ADCY8: variants seen among roughly 807,000 people sequenced by gnomAD.
ADCY8 encodes the protein adenylate cyclase type 8.
ADCY8 carries 51 observed loss-of-function variants against 119.7 expected under a neutral mutation model. The observed-to-expected ratio is 0.43, with a 90% confidence interval of 0.34 to 0.54. ADCY8 has a LOEUF of 0.54. Among genes scored for constraint, ADCY8 ranks in the 20% least tolerant of loss-of-function variants. The pLI, the probability that ADCY8 is intolerant of heterozygous loss-of-function variation, is 0.03. For synonymous variants in ADCY8, 665 were observed against 651.0 expected, an observed-to-expected ratio of 1.02 and a Z score of -0.33; for missense variants, 1,383 against 1,598.8, an observed-to-expected ratio of 0.87 and a Z score of 2.30.
intron 8 of ADCY8, among the ~76,000 whole-genome samples, chr8:130,873,254 A>AG (rs1330148626): frequency 6.6e-6 from 1 of 152,182 alleles, no homozygotes; most frequent in East Asian, 1.9e-4. Flanking sequence ...CATTTCTACA[A>AG]GATGTAGAAG....
chr8:131,021,263 C>T (rs968146205), intron 1 of ADCY8, among the ~76,000 whole-genome samples: 5 of 152,088 alleles, frequency 3.3e-5, no homozygotes, highest in Non-Finnish European at 7.4e-5. Context: ...GTATCATCAG[C>T]GTTCTTGGAT....
Position 130,980,571 on chromosome 8 carries a change from G to T in ADCY8, c.1110+9822C>A, listed in dbSNP as rs1316062270. On this transcript the variant is annotated intron_variant, in intron 2 of 17. Coordinates refer to ENST00000286355, the MANE Select transcript of ADCY8 (RefSeq NM_001115.3). The stretch of plus-strand genomic sequence containing the variant: ...ACTGCATGTCAGGGAAAATGGAGAG[G>T]ACGGGTAGTGTGAGCTTGAAGAGTT... Among the ~76,000 whole-genome samples the T allele has an allele frequency of 3.9e-5, 6 of 152,334 alleles. No homozygotes were observed. The East Asian group carries it at 9.7e-4, about 25-fold the overall frequency.
At position 130,907,733 on chromosome 8, in the gene ADCY8, C is replaced by T. The variant is rs1185397436; in HGVS notation, c.1640+1975G>A. Among the ~76,000 whole-genome samples, 3 of 152,160 alleles carry T rather than the reference C, an allele frequency of 2.0e-5. No individual in the cohort carries two copies. The East Asian group carries it at 5.8e-4, about 29-fold the overall frequency. On this transcript the variant is annotated intron_variant, in intron 6 of 17. Coordinates refer to ENST00000286355, the MANE Select transcript of ADCY8 (RefSeq NM_001115.3). Reference sequence around the variant, plus strand: ...GTTTCTTTTTACAAATTATTTTATTCGTTTCTTTCCTTTTTCAACTTTTAT... The same window carrying T: ...GTTTCTTTTTACAAATTATTTTATTTGTTTCTTTCCTTTTTCAACTTTTAT...
intron 8 of ADCY8, among the ~76,000 whole-genome samples, chr8:130,884,123 A>T (rs1346515484): frequency 6.6e-6 from 1 of 152,178 alleles, no homozygotes; most frequent in Admixed American, 6.5e-5. Context: ...GAGAATAGAT[A>T]TCTAAAATCT....
At chr8:130,993,934 A>C (rs1822683403) in intron 1 of ADCY8, among the ~76,000 whole-genome samples, 1 of 152,246 alleles carries the variant, frequency 6.6e-6, no homozygotes, top group African/African-American at 2.4e-5. Flanking sequence ...AGCCTCAGCA[A>C]ATTTTGAAAA....
rs144648552 is a variant in ADCY8 at position 130,876,640 on chromosome 8, G to C, written c.2109+7924C>G. On this transcript the variant is annotated intron_variant, in intron 8 of 17. Coordinates refer to ENST00000286355, the MANE Select transcript of ADCY8 (RefSeq NM_001115.3). ...ATTGTGTCTGTTGCCAGAAACAAGA[G>C]GTGGATTGTTTGTATATGTGTGTGC... is the stretch of plus-strand genomic sequence containing the variant. Among the ~76,000 whole-genome samples the C allele has an allele frequency of 1.9e-3, 284 of 152,188 alleles. 2 individuals are homozygous for C. The highest frequency in any genetic ancestry group is 6.2e-3 in the African/African-American group (256 of 41,520).
At chr8:130,885,340 A>T (rs143061344) in intron 7 of ADCY8, among the ~76,000 whole-genome samples, 121 of 152,150 alleles carry the variant, frequency 8.0e-4, no homozygotes, top group African/African-American at 2.8e-3. Context: ...CTCCCTCAGC[A>T]TAGGCCATTA....
intron 1 of ADCY8, among the ~76,000 whole-genome samples, chr8:131,000,590 C>T (rs958633391): frequency 6.6e-6 from 1 of 152,064 alleles, no homozygotes; most frequent in Non-Finnish European, 1.5e-5. Context: ...AACTGAAGCT[C>T]GAAGTTTAGT....
intron 14 of ADCY8, among the ~76,000 whole-genome samples, chr8:130,801,781 C>G (rs1324787760): frequency 6.6e-6 from 1 of 152,192 alleles, no homozygotes. Flanking sequence ...AGTTTATATC[C>G]TGCTGGACAC....
intron 6 of ADCY8, among the ~76,000 whole-genome samples, chr8:130,907,119 C>A (rs1819814318): frequency 6.6e-6 from 1 of 152,206 alleles, no homozygotes; most frequent in East Asian, 1.9e-4. Flanking sequence ...TGCATTATTT[C>A]ATTTAACACA....
chr8:130,884,731 T>C lies in ADCY8; in HGVS notation c.1942A>G (p.Asn648Asp). 4 of 1,613,900 alleles carry C rather than the reference T, an allele frequency of 2.5e-6. No individual in the cohort carries two copies. The highest frequency in any genetic ancestry group is 3.4e-6 in the Non-Finnish European group (4 of 1,179,818). The change falls in exon 8 of 18, where the codon AAT (asparagine) becomes GAT (aspartate). Residue 648 changes from asparagine (N) to aspartate (D), a missense_variant. Physicochemically the swap from Asn to Asp is conservative, Grantham distance 23 (BLOSUM62 1). Transcript: ENST00000286355. ...TLAALTRNSINLLPNHLAQAL... is the reference protein window; with the variant it reads ...TLAALTRNSIDLLPNHLAQAL... The stretch of plus-strand genomic sequence containing the variant: ...TGTGCAAGATGGTTTGGAAGCAGAT[T>C]TATTGAATTTCTTGTTAGGGCAGCC...
intron 1 of ADCY8, among the ~76,000 whole-genome samples, chr8:130,994,288 G>T (rs1296855269): frequency 6.6e-6 from 1 of 152,194 alleles, no homozygotes; most frequent in Non-Finnish European, 1.5e-5. Context: ...TTCTTAAAAT[G>T]AGTGATCCAT....
chr8:130,959,282 A>G (rs1015213309), intron 2 of ADCY8, among the ~76,000 whole-genome samples: 6 of 152,238 alleles, frequency 3.9e-5, no homozygotes, highest in African/African-American at 1.2e-4. Flanking sequence ...AGTAATTACA[A>G]TGTTGACTTT....
chr8:130,910,013 C>T (rs1319785412), intron 5 of ADCY8, 147 bp from the exon 6 acceptor site: 2 of 711,046 alleles, frequency 2.8e-6, no homozygotes, highest in African/African-American at 1.8e-5. Context: ...CAACCTCTGC[C>T]TCCCGGGTTC....
chr8:131,016,490 C>T (rs1439690907), intron 1 of ADCY8, among the ~76,000 whole-genome samples: 1 of 152,094 alleles, frequency 6.6e-6, no homozygotes, highest in African/African-American at 2.4e-5. Context: ...GGTGATCAAT[C>T]GAGACCCCAT....
chr8:130,871,362 G>T (rs1586510873), intron 8 of ADCY8, among the ~76,000 whole-genome samples: 1 of 152,268 alleles, frequency 6.6e-6, no homozygotes, highest in South Asian at 2.1e-4. Flanking sequence ...AGATTAAGTG[G>T]ATTTGAATCC....
chr8:130,809,707 C>A (rs1816101424), intron 14 of ADCY8, among the ~76,000 whole-genome samples: 1 of 152,218 alleles, frequency 6.6e-6, no homozygotes, highest in Non-Finnish European at 1.5e-5. Context: ...GATTTGAATA[C>A]ATGTCCTTCT....
At chr8:130,859,443 G>C (rs1168272360) in intron 9 of ADCY8, among the ~76,000 whole-genome samples, 1 of 152,090 alleles carries the variant, frequency 6.6e-6, no homozygotes, top group Non-Finnish European at 1.5e-5. Context: ...TGCCTCAATG[G>C]GAAATTCCTA....
intron 1 of ADCY8, among the ~76,000 whole-genome samples, chr8:131,001,985 C>T (rs1822965030): frequency 6.6e-6 from 1 of 152,154 alleles, no homozygotes; most frequent in African/African-American, 2.4e-5. Context: ...GTAGGAAGTC[C>T]TTATCCTCAC....
Sources: gnomAD v4.1 joint callset for allele counts (sites outside exome capture counted in the v4.1 genomes callset) on GRCh38, gnomAD v4.1.1 for gene constraint, MANE v1.5 for transcripts, NCBI Gene and HGNC (gene_info 2026-07-23, HGNC 2026-07-21) for gene names.